Variants in HEPHL1 observed in about 807,000 individuals in gnomAD.
HEPHL1 encodes the protein ferroxidase HEPHL1.
Under a neutral mutation model 122.0 loss-of-function variants are expected in HEPHL1, and 123 were observed. The ratio of observed to expected loss-of-function variants is 1.01; its 90% CI spans 0.87 to 1.17. The LOEUF is 1.17. Ranked by LOEUF, HEPHL1 falls within the 50% of genes most tolerant of loss-of-function variation. HEPHL1 has a pLI of 0.00. For missense variants in HEPHL1, 1,452 were observed against 1,430.5 expected (o/e 1.01, Z -0.24); for synonymous variants, 527 against 508.9 (o/e 1.04, Z -0.48).
intron 11 of HEPHL1, 37 bp from the exon 12 acceptor site, chr11:94,088,718 G>A (rs1251036639): frequency 1.1e-5 from 16 of 1,516,490 alleles, no homozygotes; most frequent in Admixed American, 7.3e-5. Flanking sequence ...CAAAAATACC[G>A]AGCACCACAC....
At chr11:94,039,395 C>A (rs1263608051) in intron 1 of HEPHL1, among the ~76,000 whole-genome samples, 3 of 152,074 alleles carry the variant, frequency 2.0e-5, no homozygotes, top group African/African-American at 7.2e-5. Flanking sequence ...CAGAACTCTC[C>A]ACCCCAAATC....
At chr11:94,021,600 G>A in intron 1 of HEPHL1, 62 bp downstream of exon 1, 1 of 1,319,004 alleles carries the variant, frequency 7.6e-7, no homozygotes, top group Non-Finnish European at 1.1e-6. Context: ...TTTGTGTGGG[G>A]AAGGTTGTAT....
In HEPHL1 at chr11:94,098,201, T is replaced by G. The variant is rs1018860265; in HGVS notation, c.2435-2994T>G. On this transcript the variant is annotated intron_variant, in intron 13 of 19. Coordinates refer to ENST00000315765, the MANE Select transcript of HEPHL1 (RefSeq NM_001098672.2). Reference sequence around the variant, plus strand: ...GTGCTTCCTTCAGGAGCTCTTGTAATGCAGGCCTGGTGGTGACAAAATCTC... The same window carrying G: ...GTGCTTCCTTCAGGAGCTCTTGTAAGGCAGGCCTGGTGGTGACAAAATCTC... 8.3e-4 allele frequency among the ~76,000 whole-genome samples: 127 copies of G among 152,270 alleles called. 1 individual carries two copies. Among genetic ancestry groups the G allele is most frequent in the African/African-American group, 2.8e-3 (117 of 41,558 alleles).
intron 11 of HEPHL1, among the ~76,000 whole-genome samples, chr11:94,086,803 C>T (rs1416277030): frequency 6.6e-6 from 1 of 152,184 alleles, no homozygotes; most frequent in Non-Finnish European, 1.5e-5. Flanking sequence ...ATAATTGGGG[C>T]GTTTTCATAA....
chr11:94,066,526 C>T (rs1946035555), intron 4 of HEPHL1, among the ~76,000 whole-genome samples: 1 of 151,572 alleles, frequency 6.6e-6, no homozygotes, highest in African/African-American at 2.4e-5. Context: ...TGCACTTCAG[C>T]CTGGGTGTGA....
At chr11:94,043,784 T>A (rs1945808819) in intron 1 of HEPHL1, among the ~76,000 whole-genome samples, 1 of 152,060 alleles carries the variant, frequency 6.6e-6, no homozygotes, top group Non-Finnish European at 1.5e-5. Context: ...TTCCCCTGAC[T>A]TATCTTTGAC....
chr11:94,037,111 C>A (rs1032241318), intron 1 of HEPHL1, among the ~76,000 whole-genome samples: 1 of 152,194 alleles, frequency 6.6e-6, no homozygotes, highest in South Asian at 2.1e-4. Flanking sequence ...GGGTGACGGA[C>A]GCACCTGGAA....
chr11:94,073,712 A>T (rs1489908387), intron 8 of HEPHL1, among the ~76,000 whole-genome samples: 1 of 152,058 alleles, frequency 6.6e-6, no homozygotes, highest in African/African-American at 2.4e-5. Context: ...TTTCTCAGCA[A>T]TATAGTAAAT....
At chr11:94,055,697 A>G (rs1408902774) in intron 2 of HEPHL1, 1 of 386,038 alleles carries the variant, frequency 2.6e-6, no homozygotes, top group South Asian at 2.1e-5. Context: ...AAGACAATGC[A>G]CTCTGTGATC....
chr11:94,099,159 C>G (rs1019875759), intron 13 of HEPHL1, among the ~76,000 whole-genome samples: 3 of 152,142 alleles, frequency 2.0e-5, no homozygotes, highest in Admixed American at 1.3e-4. Flanking sequence ...TACCTTTGGT[C>G]TTTGATGATG....
At chr11:94,062,449 T>C (rs1945993587) in intron 2 of HEPHL1, among the ~76,000 whole-genome samples, 1 of 152,192 alleles carries the variant, frequency 6.6e-6, no homozygotes. Flanking sequence ...TTTAGTTTTA[T>C]CTTTGCTTTG....
intron 6 of HEPHL1, among the ~76,000 whole-genome samples, 160 bp from the exon 7 acceptor site, chr11:94,072,865 C>A (rs1054884638): frequency 6.6e-6 from 1 of 152,110 alleles, no homozygotes; most frequent in Non-Finnish European, 1.5e-5. Context: ...ACTTTTAGGG[C>A]TGGTTAACTA....
intron 13 of HEPHL1, among the ~76,000 whole-genome samples, chr11:94,097,205 T>G (rs1946323991): frequency 6.6e-6 from 1 of 152,218 alleles, no homozygotes; most frequent in Non-Finnish European, 1.5e-5. Context: ...TCCCAGAGAT[T>G]CTGGTATGTT....
chr11:94,047,656 A>G (rs1945852122), intron 2 of HEPHL1, among the ~76,000 whole-genome samples: 1 of 152,156 alleles, frequency 6.6e-6, no homozygotes, highest in South Asian at 2.1e-4. Flanking sequence ...TGCTGCACGT[A>G]GCAAGTAAAG....
chr11:94,035,822 C>G (rs1200749322), intron 1 of HEPHL1, among the ~76,000 whole-genome samples: 1 of 152,156 alleles, frequency 6.6e-6, no homozygotes, highest in Non-Finnish European at 1.5e-5. Context: ...CTGCAAGCTC[C>G]GCCTCCTGGG....
intron 13 of HEPHL1, among the ~76,000 whole-genome samples, chr11:94,099,205 C>G (rs576421870): frequency 1.3e-5 from 2 of 152,250 alleles, no homozygotes; most frequent in East Asian, 3.9e-4. Flanking sequence ...TGGATTTGCT[C>G]TCTGTTTGTT....
Position 94,110,936 on chromosome 11 carries a change from C to A in HEPHL1, c.3079C>A (p.Leu1027Ile), listed in dbSNP as rs781581654. The part of the protein sequence containing the change: ...DKSYREDVYD[L>I]FPGTFQTIEL... The stretch of plus-strand genomic sequence containing the variant: ...ATCTTACCGAGAAGATGTGTATGAT[C>A]TCTTTCCTGGGACATTCCAAACCAT... Residue 1027 changes from leucine to isoleucine, a missense_variant, in exon 18 of 20, where the codon CTC becomes ATC. Leu to Ile is a conservative substitution (Grantham distance 5). Coordinates refer to ENST00000315765, the MANE Select transcript of HEPHL1 (RefSeq NM_001098672.2). The A allele has an allele frequency of 6.2e-7, 1 of 1,612,968 alleles. No individual in the cohort carries two copies. Among genetic ancestry groups the A allele is most frequent in the Non-Finnish European group, 8.5e-7 (1 of 1,179,512 alleles).
intron 8 of HEPHL1, among the ~76,000 whole-genome samples, chr11:94,074,030 T>C (rs1461685903): frequency 1.3e-5 from 2 of 152,282 alleles, no homozygotes; most frequent in Admixed American, 6.5e-5. Context: ...AATCCATTCA[T>C]GATACTGCTC....
rs775349304 is a variant in HEPHL1, at chr11:94,111,072, TTGTC to T, written c.3208+12_3208+15del. On this transcript the variant is annotated splice_region_variant and intron_variant, in intron 18 of 19. Transcript: ENST00000315765. Reference sequence around the variant, plus strand: ...ACGGTCCTTCGTAACATAGGTACGGTTGTCTGTCAGTGATGCCAGATGATGGCAC... The same window carrying T: ...ACGGTCCTTCGTAACATAGGTACGGTTGTCAGTGATGCCAGATGATGGCAC... 18 of 1,562,740 alleles carry T rather than the reference TTGTC, an allele frequency of 1.2e-5. No homozygotes were observed. In the East Asian group the frequency reaches 4.2e-4, roughly 36 times the overall value.
Sources: allele counts gnomAD v4.1 joint callset (sites outside exome capture counted in the v4.1 genomes callset), GRCh38; gene constraint gnomAD v4.1.1; transcripts MANE v1.5; gene names NCBI Gene and HGNC (gene_info 2026-07-23, HGNC 2026-07-21).